PTPRM: variants seen among roughly 807,000 people sequenced by gnomAD.
The protein encoded by PTPRM is protein tyrosine phosphatase receptor type M.
Under a neutral mutation model 186.7 loss-of-function variants are expected in PTPRM, and 47 were observed. That is an observed-to-expected ratio of 0.25 (90% confidence interval 0.20 to 0.32). The LOEUF (loss-of-function observed/expected upper bound fraction) is 0.32. Ranked by LOEUF, PTPRM falls within the 10% of genes least tolerant of loss-of-function variation. The pLI is 1.00. For missense variants in PTPRM, 1,494 were observed against 1,865.0 expected (o/e 0.80, Z 3.66); for synonymous variants, 668 against 674.9 (o/e 0.99, Z 0.16).
intron 11 of PTPRM, among the ~76,000 whole-genome samples, chr18:8,105,304 G>T (rs889779544): frequency 6.6e-6 from 1 of 151,966 alleles, no homozygotes; most frequent in Admixed American, 6.6e-5. Context: ...GAGTTTTATT[G>T]TATTAAAAAA....
At chr18:8,254,645 G>T (rs1474496333) in intron 19 of PTPRM, among the ~76,000 whole-genome samples, 1 of 152,192 alleles carries the variant, frequency 6.6e-6, no homozygotes, top group Non-Finnish European at 1.5e-5. Flanking sequence ...TAGTCTGTGA[G>T]TTTCCAACTC....
At chr18:8,138,768 C>T (rs1181678734) in intron 13 of PTPRM, among the ~76,000 whole-genome samples, 3 of 152,176 alleles carry the variant, frequency 2.0e-5, no homozygotes, top group Non-Finnish European at 4.4e-5. Context: ...GCTCCTTTCC[C>T]TCCCGCATCA....
At chr18:8,336,637 G>A (rs908374576) in intron 22 of PTPRM, among the ~76,000 whole-genome samples, 9 of 145,148 alleles carry the variant, frequency 6.2e-5, no homozygotes, top group Non-Finnish European at 1.1e-4. Flanking sequence ...AGGAGGAGGA[G>A]GAGGAAAAAG....
rs1568340434 is a variant in PTPRM, at chr18:8,100,130, T to TG, written c.1856+11279_1856+11280insG. On this transcript the variant is annotated intron_variant, in intron 11 of 32. Coordinates refer to ENST00000580170, the MANE Select transcript of PTPRM (RefSeq NM_001105244.2). The stretch of plus-strand genomic sequence containing the variant: ...GAGTGAGGAGGGAGATGCCACACAC[T>TG]TGTGTGTGTGTGTGTGTGTATGTGT... 4.5e-3 allele frequency among the ~76,000 whole-genome samples: 678 copies of TG among 149,362 alleles called. 3 individuals are homozygous for TG. The highest frequency in any genetic ancestry group is 7.1e-3 in the Non-Finnish European group (473 of 67,024).
At chr18:8,281,325 T>G (rs1395431503) in intron 19 of PTPRM, among the ~76,000 whole-genome samples, 1 of 152,238 alleles carries the variant, frequency 6.6e-6, no homozygotes, top group Non-Finnish European at 1.5e-5. Context: ...TCTCCTTCAC[T>G]GTACTCTCTT....
At chr18:8,108,748 T>C (rs1355476421) in intron 11 of PTPRM, among the ~76,000 whole-genome samples, 2 of 152,234 alleles carry the variant, frequency 1.3e-5, no homozygotes, top group Non-Finnish European at 2.9e-5. Context: ...AAACTTTAAA[T>C]TAAATTTCCT....
At chr18:8,302,746 G>T (rs757591268) in intron 20 of PTPRM, among the ~76,000 whole-genome samples, 1 of 152,010 alleles carries the variant, frequency 6.6e-6, no homozygotes, top group Non-Finnish European at 1.5e-5. Context: ...GAGGATGAAT[G>T]GTTAGATGGA....
intron 5 of PTPRM, among the ~76,000 whole-genome samples, chr18:7,941,729 G>A (rs2052187291): frequency 6.6e-6 from 1 of 152,186 alleles, no homozygotes; most frequent in Non-Finnish European, 1.5e-5. Flanking sequence ...CTGCGACTCT[G>A]GTCGCTTGCA....
intron 1 of PTPRM, among the ~76,000 whole-genome samples, chr18:7,718,222 A>G (rs560005294): frequency 1.8e-4 from 28 of 152,346 alleles, no homozygotes; most frequent in Middle Eastern, 3.4e-3. Context: ...ATAGACACAT[A>G]GAACAATGAA....
intron 13 of PTPRM, among the ~76,000 whole-genome samples, chr18:8,124,605 C>G (rs1383721409): frequency 6.6e-6 from 1 of 152,142 alleles, no homozygotes; most frequent in Non-Finnish European, 1.5e-5. Flanking sequence ...AAATTGGTAT[C>G]ATACTTATCA....
chr18:7,916,665 G>A (rs1448891633), intron 4 of PTPRM, among the ~76,000 whole-genome samples: 4 of 151,862 alleles, frequency 2.6e-5, no homozygotes, highest in African/African-American at 9.7e-5. Flanking sequence ...AAAATAAATC[G>A]ACACATAATT....
At chr18:7,911,302 G>A (rs1041853198) in intron 4 of PTPRM, among the ~76,000 whole-genome samples, 2 of 152,184 alleles carry the variant, frequency 1.3e-5, no homozygotes, top group Non-Finnish European at 2.9e-5. Flanking sequence ...TTGCTGGGTA[G>A]CATTTGAAGA....
At chr18:8,090,122 C>T (rs1354379432) in intron 11 of PTPRM, among the ~76,000 whole-genome samples, 1 of 152,162 alleles carries the variant, frequency 6.6e-6, no homozygotes, top group African/African-American at 2.4e-5. Context: ...TGGGTTGATT[C>T]CTGTGGGTGG....
chr18:8,140,335 T>C (rs901072672), intron 13 of PTPRM, among the ~76,000 whole-genome samples: 6 of 152,136 alleles, frequency 3.9e-5, no homozygotes, highest in Non-Finnish European at 5.9e-5. Context: ...GGCTTGCTGC[T>C]GTTATTTAAT....
rs191676023 is a variant in PTPRM at position 7,610,208 on chromosome 18, T to C, written c.73+42317T>C. Among the ~76,000 whole-genome samples, 1,005 of 151,396 alleles carry C rather than the reference T, an allele frequency of 6.6e-3. 11 individuals carry two copies. The highest frequency in any genetic ancestry group is 0.023 in the African/African-American group (937 of 40,718). The stretch of plus-strand genomic sequence containing the variant: ...TTAGGGCAAACTGACAAGAACAACT[T>C]ATTTGATAGGAATTGCTGGGTTTTG... On this transcript the variant is annotated intron_variant, in intron 1 of 32. Transcript: ENST00000580170.
chr18:8,137,151 T>C (rs915304006), intron 13 of PTPRM, among the ~76,000 whole-genome samples: 2 of 152,226 alleles, frequency 1.3e-5, no homozygotes, highest in Admixed American at 1.3e-4. Context: ...CTTAAGGTTT[T>C]TCAGCCTCCT....
intron 1 of PTPRM, among the ~76,000 whole-genome samples, chr18:7,708,635 G>T (rs977324627): frequency 6.6e-6 from 1 of 151,904 alleles, no homozygotes; most frequent in African/African-American, 2.4e-5. Context: ...CCTCCAGGGA[G>T]AGGAAAAAAA....
chr18:8,246,367 A>G (rs1421464158), intron 15 of PTPRM, among the ~76,000 whole-genome samples: 1 of 152,190 alleles, frequency 6.6e-6, no homozygotes, highest in African/African-American at 2.4e-5. Flanking sequence ...AGTTATGAGA[A>G]TGGGGATTAA....
intron 1 of PTPRM, among the ~76,000 whole-genome samples, chr18:7,711,431 G>T (rs2040211304): frequency 6.6e-6 from 1 of 152,190 alleles, no homozygotes; most frequent in South Asian, 2.1e-4. Context: ...CGAGCTAGCT[G>T]CAGGAATTTT....
Sources: allele counts gnomAD v4.1 joint callset (sites outside exome capture counted in the v4.1 genomes callset), GRCh38; gene constraint gnomAD v4.1.1; transcripts MANE v1.5; gene names NCBI Gene and HGNC (gene_info 2026-07-23, HGNC 2026-07-21).